CCNY: variants seen among roughly 807,000 people sequenced by gnomAD.
The protein encoded by CCNY is cyclin-Y.
A neutral mutation model predicts 42.8 loss-of-function variants in CCNY; 19 were observed. The ratio of observed to expected loss-of-function variants is 0.44; its 90% CI spans 0.31 to 0.65. The LOEUF (loss-of-function observed/expected upper bound fraction) is 0.65. CCNY is among the 30% of genes least tolerant of loss of function. CCNY has a pLI of 0.07. For synonymous variants in CCNY, 165 were observed against 162.7 expected (o/e 1.01, Z -0.11); for missense variants, 370 against 437.3 (o/e 0.85, Z 1.37).
intron 8 of CCNY, among the ~76,000 whole-genome samples, chr10:35,557,430 T>C (rs190515000): frequency 2.0e-5 from 3 of 152,362 alleles, no homozygotes; most frequent in Non-Finnish European, 2.9e-5. Context: ...CTTTCAGGTC[T>C]GAGTTGTCAT....
At chr10:35,331,111 G>C (rs1835938681) in intron 3 of CCNY, among the ~76,000 whole-genome samples, 1 of 152,146 alleles carries the variant, frequency 6.6e-6, no homozygotes. Context: ...ACATCTTATT[G>C]GCCAGACTTA....
intron 3 of CCNY, among the ~76,000 whole-genome samples, chr10:35,502,354 C>G (rs144103023): frequency 0.011 from 1,686 of 152,298 alleles, 19 homozygotes; most frequent in Non-Finnish European, 0.014. Context: ...ACACAAGGGT[C>G]TTTCTCAGGA....
chr10:35,271,684 C>T (rs1306703990), intron 3 of CCNY, among the ~76,000 whole-genome samples: 1 of 152,186 alleles, frequency 6.6e-6, no homozygotes, highest in Admixed American at 6.5e-5. Flanking sequence ...CAGCTCATTC[C>T]CTCCTTCACC....
chr10:35,457,150 T>G (rs1405766468), intron 1 of CCNY, among the ~76,000 whole-genome samples: 1 of 152,256 alleles, frequency 6.6e-6, no homozygotes, highest in Non-Finnish European at 1.5e-5. Context: ...ATGTATAACC[T>G]TTAAAAATCT....
intron 7 of CCNY, among the ~76,000 whole-genome samples, chr10:35,531,158 C>G (rs1287648496): frequency 6.6e-6 from 1 of 152,198 alleles, no homozygotes; most frequent in African/African-American, 2.4e-5. Context: ...ACAATGGAAC[C>G]CTTTTTGTCA....
intron 1 of CCNY, among the ~76,000 whole-genome samples, chr10:35,381,588 A>G (rs1837186767): frequency 6.6e-6 from 1 of 151,654 alleles, no homozygotes; most frequent in Non-Finnish European, 1.5e-5. Context: ...AAAAAGAAAT[A>G]CTGTATGCAA....
chr10:35,407,256 A>T (rs1837800874), intron 1 of CCNY, among the ~76,000 whole-genome samples: 2 of 152,100 alleles, frequency 1.3e-5, no homozygotes, highest in African/African-American at 4.8e-5. Flanking sequence ...TAGAAGGATT[A>T]TAGGGTGGGG....
At chr10:35,252,514 T>G (rs1376002277) in intron 3 of CCNY, among the ~76,000 whole-genome samples, 1 of 133,002 alleles carries the variant, frequency 7.5e-6, no homozygotes, top group African/African-American at 2.9e-5. Context: ...TGCAGTGAGC[T>G]GAGATCGCGC....
chr10:35,541,257 A>T (rs1357259259), intron 7 of CCNY, among the ~76,000 whole-genome samples: 8 of 152,118 alleles, frequency 5.3e-5, no homozygotes, highest in Non-Finnish European at 1.0e-4. Context: ...TTACATAAAA[A>T]TTGTGAAGAA....
chr10:35,534,525 A>G (rs1444922764), intron 7 of CCNY, among the ~76,000 whole-genome samples: 4 of 152,210 alleles, frequency 2.6e-5, no homozygotes, highest in South Asian at 4.1e-4. Context: ...CGAGGTGGCA[A>G]AGTGACAGCT....
At chr10:35,344,400 C>T (rs1836252740) in intron 1 of CCNY, among the ~76,000 whole-genome samples, 1 of 139,386 alleles carries the variant, frequency 7.2e-6, no homozygotes, top group Non-Finnish European at 1.6e-5. Flanking sequence ...AAAAATACTG[C>T]CTTGCCTTGG....
At position 35,444,249 on chromosome 10, in the gene CCNY, C is replaced by CTTTTTTTTT. The variant is rs1323493317; in HGVS notation, c.155-39147_155-39139dup. 5.5e-4 allele frequency among the ~76,000 whole-genome samples: 75 copies of CTTTTTTTTT among 136,552 alleles called. 1 individual carries two copies. The highest frequency in any genetic ancestry group is 2.0e-3 in the African/African-American group (74 of 36,750). 89.6% of individuals were successfully genotyped at this position (136,552 alleles called of 152,430 possible). Reference sequence around the variant, plus strand: ...TGTTTCACAGTTAACTGTTTTTTGGCTTTTTTTTTTTTTTTTGGAGACGGA... The same window carrying CTTTTTTTTT: ...TGTTTCACAGTTAACTGTTTTTTGGCTTTTTTTTTTTTTTTTTTTTTTTTTGGAGACGGA... On this transcript the variant is annotated intron_variant, in intron 1 of 9. Transcript: ENST00000374704.
At chr10:35,351,206 C>T (rs530596467) in intron 1 of CCNY, among the ~76,000 whole-genome samples, 54 of 152,316 alleles carry the variant, frequency 3.5e-4, no homozygotes, top group Middle Eastern at 3.4e-3. Context: ...ATTGTCAGGA[C>T]TTATGTCAGT....
intron 3 of CCNY, among the ~76,000 whole-genome samples, chr10:35,276,856 T>G (rs1470579996): frequency 2.0e-5 from 3 of 152,256 alleles, no homozygotes; most frequent in Non-Finnish European, 4.4e-5. Flanking sequence ...TCTGCCTTTG[T>G]GTGACAGGCC....
chr10:35,261,441 T>C (rs2095719553), intron 3 of CCNY, among the ~76,000 whole-genome samples: 1 of 151,412 alleles, frequency 6.6e-6, no homozygotes, highest in South Asian at 2.1e-4. Flanking sequence ...TTTTGCCATG[T>C]TGGCCAGGCT....
intron 1 of CCNY, among the ~76,000 whole-genome samples, chr10:35,383,090 G>A (rs1013534489): frequency 6.6e-6 from 1 of 152,144 alleles, no homozygotes; most frequent in Non-Finnish European, 1.5e-5. Context: ...GCGTGACCAA[G>A]AACTGCCTTT....
At chr10:35,374,866 CAG>C (rs1334264593) in intron 1 of CCNY, among the ~76,000 whole-genome samples, 1 of 152,122 alleles carries the variant, frequency 6.6e-6, no homozygotes, top group Admixed American at 6.5e-5. Context: ...GCAGAGAAGA[CAG>C]AGGCAAATTG....
At position 35,412,504 on chromosome 10, in the gene CCNY, G is replaced by A. The variant is rs191114345; in HGVS notation, c.155-70900G>A. On this transcript the variant is annotated intron_variant, in intron 1 of 9. Coordinates refer to ENST00000374704, the MANE Select transcript of CCNY (RefSeq NM_145012.6). Reference sequence around the variant, plus strand: ...AAGGGCTGGCAGCAGGGAAGTATGAGGTCAGTGTTCTCAGAGGAGGGGGGA... The same window carrying A: ...AAGGGCTGGCAGCAGGGAAGTATGAAGTCAGTGTTCTCAGAGGAGGGGGGA... Among the ~76,000 whole-genome samples, 463 of 152,052 alleles carry A rather than the reference G, an allele frequency of 3.0e-3. 5 individuals are homozygous for A. Among genetic ancestry groups the A allele is most frequent in the African/African-American group, 0.011 (452 of 41,460 alleles).
chr10:35,365,008 A>G lies in CCNY; in HGVS notation c.154+27801A>G, dbSNP rs116075214. Among the ~76,000 whole-genome samples the G allele has an allele frequency of 7.0e-3, 1,073 of 152,302 alleles. 11 individuals are homozygous for G. Among genetic ancestry groups the G allele is most frequent in the African/African-American group, 0.025 (1,024 of 41,562 alleles). On this transcript the variant is annotated intron_variant, in intron 1 of 9. Transcript: ENST00000374704. ...TTTAACTATCAGTAGGCTTAAACAA[A>G]TGTATTTCCTCGTGTTGGAATTTGG...
Sources: gnomAD v4.1 joint callset for allele counts (sites outside exome capture counted in the v4.1 genomes callset) on GRCh38, gnomAD v4.1.1 for gene constraint, MANE v1.5 for transcripts, NCBI Gene and HGNC (gene_info 2026-07-23, HGNC 2026-07-21) for gene names.